PROK2: variants seen among roughly 807,000 people sequenced by gnomAD.
PROK2 encodes the protein prokineticin 2.
Under a neutral mutation model 14.2 loss-of-function variants are expected in PROK2, and 8 were observed. That is an observed-to-expected ratio of 0.56 (90% CI 0.33 to 1.02). The LOEUF (loss-of-function observed/expected upper bound fraction) is 1.02, where lower values mean the gene tolerates loss of function less well. PROK2 is among the 50% of genes least tolerant of loss of function. The probability of loss-of-function intolerance (pLI) is 0.03; values close to 1 mark genes in which losing one functional copy is unlikely to be tolerated. For missense variants in PROK2, 154 were observed against 160.4 expected (o/e 0.96, Z 0.22); for synonymous variants, 59 against 60.7 (o/e 0.97, Z 0.13).
intron 2 of PROK2, among the ~76,000 whole-genome samples, chr3:71,780,378 G>C (rs1452605052): frequency 6.6e-6 from 1 of 152,236 alleles, no homozygotes; most frequent in Non-Finnish European, 1.5e-5. Context: ...GGACTGTGGA[G>C]TATGGGAATG....
intron 2 of PROK2, among the ~76,000 whole-genome samples, chr3:71,780,851 T>C (rs1249909327): frequency 2.6e-5 from 4 of 152,208 alleles, no homozygotes; most frequent in Non-Finnish European, 4.4e-5. Context: ...CACCCTATGA[T>C]CATGCCACTA....
chr3:71,778,808 T>C (rs750382682), intron 2 of PROK2, among the ~76,000 whole-genome samples: 3 of 152,204 alleles, frequency 2.0e-5, no homozygotes, highest in Non-Finnish European at 4.4e-5. Context: ...TAGGATCTTC[T>C]CTTAAAATAG....
At chr3:71,773,431 C>T (rs952738604) in intron 3 of PROK2, among the ~76,000 whole-genome samples, 3 of 152,170 alleles carry the variant, frequency 2.0e-5, no homozygotes, top group African/African-American at 7.2e-5. Context: ...AAACTTGAAG[C>T]TTGGCTAGCA....
intron 3 of PROK2, among the ~76,000 whole-genome samples, chr3:71,773,142 A>T (rs570323115): frequency 6.6e-6 from 1 of 152,234 alleles, no homozygotes; most frequent in African/African-American, 2.4e-5. Context: ...ACCACGCCCA[A>T]CTAACTTTTG....
intron 1 of PROK2, among the ~76,000 whole-genome samples, chr3:71,784,634 T>A (rs1054978699): frequency 6.6e-6 from 1 of 152,212 alleles, no homozygotes; most frequent in Admixed American, 6.5e-5. Context: ...AGAGAGAAAC[T>A]TCTTTCAGCC....
At chr3:71,777,545 T>C (rs900034430) in intron 2 of PROK2, among the ~76,000 whole-genome samples, 1 of 152,108 alleles carries the variant, frequency 6.6e-6, no homozygotes, top group Non-Finnish European at 1.5e-5. Flanking sequence ...ATTTGAATTT[T>C]TTTCCTTCAG....
chr3:71,778,012 G>A (rs987819231), intron 2 of PROK2, among the ~76,000 whole-genome samples: 1 of 151,980 alleles, frequency 6.6e-6, no homozygotes, highest in Admixed American at 6.6e-5. Context: ...TGGCTAACAA[G>A]GTGAAACCCC....
chr3:71,781,450 A>AATAT lies in PROK2; in HGVS notation c.222+13_222+16dup, dbSNP rs768227133. ...CCACAGTAGAACCACCATGAATACA[A>AATAT]ATATATATATACTAACTTTACGAGT... On this transcript the variant is annotated intron_variant, in intron 2 of 3. Transcript: ENST00000295619. The AATAT allele has an allele frequency of 5.0e-6, 8 of 1,613,432 alleles. No individual in the cohort carries two copies. The South Asian group carries it at 8.8e-5, about 18-fold the overall frequency.
intron 1 of PROK2, among the ~76,000 whole-genome samples, chr3:71,784,028 T>G (rs763394410): frequency 2.6e-5 from 4 of 152,232 alleles, no homozygotes; most frequent in Non-Finnish European, 4.4e-5. Flanking sequence ...TTAAATCCCA[T>G]TATGTGCACT....
chr3:71,781,246 A>G (rs114418505), intron 2 of PROK2, among the ~76,000 whole-genome samples: 104 of 152,366 alleles, frequency 6.8e-4, no homozygotes, highest in African/African-American at 2.4e-3. Flanking sequence ...ACACCATGAG[A>G]GCAGTAACAT....
chr3:71,784,469 T>TC (rs1348014709), intron 1 of PROK2, among the ~76,000 whole-genome samples: 3 of 152,212 alleles, frequency 2.0e-5, no homozygotes, highest in Admixed American at 6.5e-5. Flanking sequence ...TCAAAGGGTT[T>TC]CTGCGGAGGA....
chr3:71,775,510 C>A (rs1246017735), intron 2 of PROK2, among the ~76,000 whole-genome samples: 1 of 152,100 alleles, frequency 6.6e-6, no homozygotes, highest in Non-Finnish European at 1.5e-5. Flanking sequence ...TACCTTGGGC[C>A]CAGCAGAAAA....
At chr3:71,780,398 T>G (rs1222775829) in intron 2 of PROK2, among the ~76,000 whole-genome samples, 1 of 152,266 alleles carries the variant, frequency 6.6e-6, no homozygotes, top group Non-Finnish European at 1.5e-5. Flanking sequence ...GATGTTTGGC[T>G]GTGTTACATT....
At chr3:71,784,091 A>G (rs2050191391) in intron 1 of PROK2, among the ~76,000 whole-genome samples, 1 of 152,224 alleles carries the variant, frequency 6.6e-6, no homozygotes, top group Non-Finnish European at 1.5e-5. Context: ...CACTTAAAAA[A>G]CAGTAAAGAA....
rs2050104811 is a variant in PROK2, at chr3:71,774,651, A to G, written c.223-144T>C. The G allele has an allele frequency of 2.7e-6, 3 of 1,125,288 alleles. No homozygotes were observed. The South Asian group carries it at 5.1e-5, about 19-fold the overall frequency. The allele number at this position is 1,125,288 out of a possible 1,614,324, so 69.7% of individuals were successfully genotyped here. ...AGTTCCTCTGTCCTTTTGCTATGTCATGACTTCCCAGGTTCTAATGACAGC... is the reference window on the plus strand; with the variant it reads ...AGTTCCTCTGTCCTTTTGCTATGTCGTGACTTCCCAGGTTCTAATGACAGC... On this transcript the variant is annotated intron_variant, in intron 2 of 3. Transcript: ENST00000295619.
chr3:71,776,358 C>T (rs1198382254), intron 2 of PROK2, among the ~76,000 whole-genome samples: 9 of 127,088 alleles, frequency 7.1e-5, no homozygotes, highest in Admixed American at 8.9e-5. Flanking sequence ...TTTCTTTTCG[C>T]TTTTCATTTT....
In PROK2 at chr3:71,784,918, C is replaced by A. The variant is rs530310293; in HGVS notation, c.96+39G>T. On this transcript the variant is annotated intron_variant, in intron 1 of 3. Transcript: ENST00000295619. ...CCAAGCCCCCTGGGCACATCCCAGG[C>A]GCGCATCAGGGGCAGACAGGTGCGC... 21 of 1,220,152 alleles carry A rather than the reference C, an allele frequency of 1.7e-5. No individual in the cohort carries two copies. The African/African-American group carries it at 2.5e-4, about 14-fold the overall frequency. The allele number at this position is 1,220,152 out of a possible 1,614,324, so 75.6% of individuals were successfully genotyped here.
chr3:71,785,110 G>C lies in PROK2; in HGVS notation c.-58C>G. The C allele has an allele frequency of 9.0e-7, 1 of 1,110,652 alleles. No individual in the cohort carries two copies. 68.8% of individuals were successfully genotyped at this position (1,110,652 alleles called of 1,614,324 possible). On this transcript the variant is annotated 5_prime_UTR_variant, in exon 1 of 4. Coordinates refer to ENST00000295619, the MANE Select transcript of PROK2 (RefSeq NM_001126128.2). ...AGTTGGGGGCGCGGGGCCCGGGTGCGCTGGGTGGAGCGCGGAGCGGCGGGC... is the reference window on the plus strand; with the variant it reads ...AGTTGGGGGCGCGGGGCCCGGGTGCCCTGGGTGGAGCGCGGAGCGGCGGGC...
At position 71,784,946 on chromosome 3, in the gene PROK2, G is replaced by A. The variant is rs1020988704; in HGVS notation, c.96+11C>T. The A allele has an allele frequency of 2.4e-6, 3 of 1,243,596 alleles. No homozygotes were observed. In the African/African-American group the frequency reaches 4.7e-5, roughly 19 times the overall value. 77.0% of individuals were successfully genotyped at this position (1,243,596 alleles called of 1,614,324 possible). On this transcript the variant is annotated intron_variant, in intron 1 of 3. Transcript: ENST00000295619. ...GCATCAGGGGCAGACAGGTGCGCCC[G>A]GGCCGCTTACCCCGGTGATCACGGC...
Sources: allele counts gnomAD v4.1 joint callset (sites outside exome capture counted in the v4.1 genomes callset), GRCh38; gene constraint gnomAD v4.1.1; transcripts MANE v1.5; gene names NCBI Gene and HGNC (gene_info 2026-07-23, HGNC 2026-07-21).